Variants in DLG2 observed in about 807,000 individuals in gnomAD.
DLG2 encodes disks large homolog 2.
DLG2 carries 45 observed loss-of-function variants against 132.5 expected under a neutral mutation model. The observed-to-expected ratio is 0.34, with a 90% CI of 0.27 to 0.44. The LOEUF is 0.44. DLG2 is among the 20% of genes least tolerant of loss of function. The pLI is 1.00. For synonymous variants in DLG2, 424 were observed against 419.6 expected (o/e 1.01, Z -0.13); for missense variants, 1,045 against 1,196.9 (o/e 0.87, Z 1.87).
rs2153481164 is a variant in DLG2 at position 83,641,341 on chromosome 11, T to C, written c.1826-8016A>G. Reference sequence around the variant, plus strand: ...AGAGGATTAGCCATAGAACACTATTTACACCTCAATTTCAAGAAGCAATGC... The same window carrying C: ...AGAGGATTAGCCATAGAACACTATTCACACCTCAATTTCAAGAAGCAATGC... On this transcript the variant is annotated intron_variant, in intron 18 of 27. Coordinates refer to ENST00000376104, the MANE Select transcript of DLG2 (RefSeq NM_001142699.3). Among the ~76,000 whole-genome samples the C allele has an allele frequency of 1.3e-5, 2 of 152,336 alleles. 1 individual carries two copies.
intron 3 of DLG2, among the ~76,000 whole-genome samples, chr11:85,505,008 C>A (rs1041571235): frequency 6.6e-5 from 10 of 152,182 alleles, no homozygotes; most frequent in South Asian, 2.1e-4. Flanking sequence ...ATTTGGCTCT[C>A]TGTTTGTCTG....
chr11:83,547,082 T>C (rs2096260995), intron 19 of DLG2, among the ~76,000 whole-genome samples: 2 of 152,126 alleles, frequency 1.3e-5, no homozygotes, highest in Non-Finnish European at 2.9e-5. Flanking sequence ...ACTGAGGTAA[T>C]ATTTAACAAT....
chr11:84,233,250 T>C (rs2097117372), intron 8 of DLG2, among the ~76,000 whole-genome samples: 1 of 152,120 alleles, frequency 6.6e-6, no homozygotes, highest in African/African-American at 2.4e-5. Flanking sequence ...AAAATAATAA[T>C]TGGTCACAGT....
rs571168308 is a variant in DLG2 at position 85,613,678 on chromosome 11, A to T, written c.-93+12909T>A. Among the ~76,000 whole-genome samples the T allele has an allele frequency of 9.8e-5, 15 of 152,292 alleles. No homozygotes were observed. The South Asian group carries it at 1.5e-3, about 15-fold the overall frequency. On this transcript the variant is annotated intron_variant, in intron 2 of 27. Transcript: ENST00000376104. ...ACCAATCAGCACTCTGTAGAACAGA[A>T]CAAGCAGCGCTCTGTAAAATGGACC...
At chr11:83,981,899 G>C (rs1017738968) in intron 11 of DLG2, among the ~76,000 whole-genome samples, 1 of 152,136 alleles carries the variant, frequency 6.6e-6, no homozygotes, top group Non-Finnish European at 1.5e-5. Context: ...AACAAGAATA[G>C]AGGACAGTCA....
intron 6 of DLG2, among the ~76,000 whole-genome samples, chr11:84,628,129 CATATAG>C (rs1475743754): frequency 4.2e-4 from 63 of 151,610 alleles, no homozygotes; most frequent in African/African-American, 1.5e-3. Context: ...TATATACACA[CATATAG>C]ATATATATAT....
chr11:84,412,676 T>TTG (rs2098913086), intron 7 of DLG2, among the ~76,000 whole-genome samples: 1 of 152,206 alleles, frequency 6.6e-6, no homozygotes, highest in Admixed American at 6.5e-5. Context: ...CCACCCTTCC[T>TTG]TACTGGCTGT....
chr11:85,160,803 T>C (rs956781533), intron 4 of DLG2, among the ~76,000 whole-genome samples: 2 of 152,156 alleles, frequency 1.3e-5, no homozygotes, highest in African/African-American at 4.8e-5. Context: ...GACTAGGGCC[T>C]GGTTCACAGA....
At chr11:84,164,248 A>G (rs117543267) in intron 8 of DLG2, among the ~76,000 whole-genome samples, 28 of 152,362 alleles carry the variant, frequency 1.8e-4, no homozygotes, top group Non-Finnish European at 3.4e-4. Context: ...CAGAGGCCAT[A>G]TGAAAAGTTG....
intron 6 of DLG2, among the ~76,000 whole-genome samples, chr11:84,607,285 A>T (rs1451618704): frequency 6.6e-6 from 1 of 152,194 alleles, no homozygotes; most frequent in East Asian, 1.9e-4. Context: ...TCTCCACTTG[A>T]GAGTCAGAAG....
At chr11:83,836,971 G>A (rs1164329132) in intron 16 of DLG2, among the ~76,000 whole-genome samples, 1 of 152,160 alleles carries the variant, frequency 6.6e-6, no homozygotes, top group African/African-American at 2.4e-5. Context: ...GCCACTAGGT[G>A]GGAGTAGAAG....
At chr11:85,277,909 T>C (rs1027377777) in intron 4 of DLG2, among the ~76,000 whole-genome samples, 1 of 152,200 alleles carries the variant, frequency 6.6e-6, no homozygotes, top group African/African-American at 2.4e-5. Flanking sequence ...CTATGCATGA[T>C]ACTGCCAGTT....
intron 3 of DLG2, among the ~76,000 whole-genome samples, chr11:85,522,348 C>A (rs1224454194): frequency 6.6e-6 from 1 of 152,198 alleles, no homozygotes; most frequent in Non-Finnish European, 1.5e-5. Flanking sequence ...GCTTGGATGT[C>A]CAGGTAGAAG....
chr11:84,887,737 T>C (rs1471753376), intron 6 of DLG2, among the ~76,000 whole-genome samples: 2 of 152,146 alleles, frequency 1.3e-5, no homozygotes, highest in Non-Finnish European at 2.9e-5. Context: ...TACTTGCCCA[T>C]AGTCACATTT....
chr11:85,164,408 T>C (rs1330102331), intron 4 of DLG2, among the ~76,000 whole-genome samples: 1 of 152,112 alleles, frequency 6.6e-6, no homozygotes, highest in Admixed American at 6.6e-5. Flanking sequence ...CCAGATGTTG[T>C]CCCATATATA....
Position 85,299,117 on chromosome 11 carries a change from T to C in DLG2, c.41-13752A>G, listed in dbSNP as rs77031049. 6.0e-4 allele frequency among the ~76,000 whole-genome samples: 92 copies of C among 152,314 alleles called. 1 individual carries two copies. The East Asian group carries it at 0.017, about 28-fold the overall frequency. On this transcript the variant is annotated intron_variant, in intron 3 of 27. Coordinates refer to ENST00000376104, the MANE Select transcript of DLG2 (RefSeq NM_001142699.3). ...TAAAGGCCATTCATCAAACATACCA[T>C]AGCAAGTTGAGCATTGTATGTACAT...
At chr11:83,631,167 C>CTTTTTTTTTTTTTTTTTTTTTTTTGTT (rs57696126) in intron 19 of DLG2, 1 of 91,660 alleles carries the variant, frequency 1.1e-5, no homozygotes, top group Non-Finnish European at 2.1e-5. Context: ...TTGCTTCTTG[C>CTTTTTTTTTTTTTTTTTTTTTTTTGTT]TTTTTTTTTT....
chr11:84,017,354 C>T (rs926463195), intron 11 of DLG2, among the ~76,000 whole-genome samples: 1 of 151,792 alleles, frequency 6.6e-6, no homozygotes, highest in Non-Finnish European at 1.5e-5. Context: ...GATTTTGAAA[C>T]CAATGTTATA....
At chr11:83,647,433 G>T (rs141346099) in intron 18 of DLG2, 2 of 152,272 alleles carry the variant, frequency 1.3e-5, no homozygotes, top group African/African-American at 4.8e-5. Flanking sequence ...GGAATGATTG[G>T]CAGGTCGAAG....
Sources: allele counts gnomAD v4.1 joint callset (sites outside exome capture counted in the v4.1 genomes callset), GRCh38; gene constraint gnomAD v4.1.1; transcripts MANE v1.5; gene names NCBI Gene and HGNC (gene_info 2026-07-23, HGNC 2026-07-21).